Variants in IQANK1 observed in about 807,000 individuals in gnomAD.
The protein encoded by IQANK1 is IQ motif and ankyrin repeat containing 1.
IQANK1 carries 30 observed loss-of-function variants against 22.6 expected under a neutral mutation model. That is an observed-to-expected ratio of 1.33 (90% CI 0.99 to 1.80). The LOEUF is 1.80. IQANK1 is among the 40% of genes most tolerant of loss of function. The pLI, the probability that IQANK1 is intolerant of heterozygous loss-of-function variation, is 0.00. For synonymous variants in IQANK1, 122 were observed against 99.6 expected, an observed-to-expected ratio of 1.23 and a Z score of -1.34; for missense variants, 275 against 235.2, an observed-to-expected ratio of 1.17 and a Z score of -1.11.
At chr8:143,749,949 A>G (rs1053532550) in intron 3 of IQANK1, among the ~76,000 whole-genome samples, 5 of 151,422 alleles carry the variant, frequency 3.3e-5, no homozygotes, top group African/African-American at 1.2e-4. Context: ...TTTTTTTGAT[A>G]TATAATGTCC....
intron 3 of IQANK1, among the ~76,000 whole-genome samples, chr8:143,765,338 C>G (rs921507773): frequency 6.6e-6 from 1 of 151,264 alleles, no homozygotes; most frequent in East Asian, 1.9e-4. Flanking sequence ...GCCTGGGAGA[C>G]AGAGTAAGAC....
intron 7 of IQANK1, among the ~76,000 whole-genome samples, chr8:143,785,407 G>A (rs1412261237): frequency 1.3e-5 from 2 of 150,686 alleles, no homozygotes; most frequent in African/African-American, 2.4e-5. Context: ...CCAGTGTGCA[G>A]CACCACATCA....
intron 3 of IQANK1, among the ~76,000 whole-genome samples, chr8:143,761,359 C>A (rs2129875395): frequency 6.6e-6 from 1 of 152,368 alleles, no homozygotes; most frequent in South Asian, 2.1e-4. Flanking sequence ...GCGATGCCTC[C>A]GACTCAGACC....
At chr8:143,742,454 G>T (rs1285037159) in intron 3 of IQANK1, 1 of 455,944 alleles carries the variant, frequency 2.2e-6, no homozygotes. Flanking sequence ...TGCAAAAGGG[G>T]CGAATGCGAT....
intron 7 of IQANK1, among the ~76,000 whole-genome samples, chr8:143,776,665 AG>A (rs1587490356): frequency 6.6e-6 from 1 of 152,216 alleles, no homozygotes; most frequent in South Asian, 2.1e-4. Context: ...CACAAGTGCC[AG>A]AGGGGAGACA....
At chr8:143,770,889 G>C (rs1449980245) in intron 3 of IQANK1, among the ~76,000 whole-genome samples, 1 of 152,252 alleles carries the variant, frequency 6.6e-6, no homozygotes, top group Non-Finnish European at 1.5e-5. Context: ...AGGCCAGTCA[G>C]GGCAGCGCTG....
At chr8:143,772,271 C>T (rs1218831255) in intron 6 of IQANK1, 28 bp downstream of exon 6, 1 of 397,790 alleles carries the variant, frequency 2.5e-6, no homozygotes, top group Non-Finnish European at 4.4e-6. Flanking sequence ...CGGGCCGCCG[C>T]GCTGAGGGGC....
At chr8:143,784,054 C>G (rs1356961159) in intron 7 of IQANK1, among the ~76,000 whole-genome samples, 20 of 152,208 alleles carry the variant, frequency 1.3e-4, no homozygotes, top group African/African-American at 4.8e-4. Flanking sequence ...GGAAAGTTCT[C>G]AGTCATTACC....
At chr8:143,740,859 A>C (rs1818891269) in intron 3 of IQANK1, among the ~76,000 whole-genome samples, 1 of 152,224 alleles carries the variant, frequency 6.6e-6, no homozygotes, top group East Asian at 1.9e-4. Flanking sequence ...GTTTGATAAG[A>C]GCCTCAGGGG....
At chr8:143,789,168 C>T in intron 8 of IQANK1, 21 bp from the exon 9 acceptor site, 1 of 400,274 alleles carries the variant, frequency 2.5e-6, no homozygotes, top group Non-Finnish European at 4.4e-6. Context: ...GCCTCTGTCC[C>T]AGCTCATTCC....
At chr8:143,772,535 GGCCTCGGGAGGTGTGA>G (rs1382980581) in intron 7 of IQANK1, 53 bp downstream of exon 7, 16 of 398,116 alleles carry the variant, frequency 4.0e-5, no homozygotes, top group Admixed American at 8.8e-5. Flanking sequence ...GGGAGGTGTG[GGCCTCGGGAGGTGTGA>G]GCCCCGGGAG....
intron 3 of IQANK1, among the ~76,000 whole-genome samples, chr8:143,769,371 T>C (rs1005151500): frequency 2.6e-5 from 4 of 150,972 alleles, no homozygotes; most frequent in Non-Finnish European, 5.9e-5. Context: ...TATATATATT[T>C]TTTTAAAGAG....
chr8:143,754,380 G>A (rs144194571), intron 3 of IQANK1, among the ~76,000 whole-genome samples: 99 of 152,316 alleles, frequency 6.5e-4, no homozygotes, highest in African/African-American at 2.1e-3. Flanking sequence ...CAGGGCTAAC[G>A]CCAAGGTGTT....
At chr8:143,740,358 C>G (rs1282500455) in intron 3 of IQANK1, among the ~76,000 whole-genome samples, 1 of 152,196 alleles carries the variant, frequency 6.6e-6, no homozygotes, top group Admixed American at 6.5e-5. Flanking sequence ...GGGCCCGGAT[C>G]GCCTTCTCAG....
intron 7 of IQANK1, among the ~76,000 whole-genome samples, chr8:143,777,607 C>T (rs1554630569): frequency 2.0e-5 from 3 of 150,402 alleles, no homozygotes; most frequent in Non-Finnish European, 3.0e-5. Context: ...AGTGTATTGT[C>T]TTAAGGTTCT....
chr8:143,738,042 C>G (rs1305147581), intron 2 of IQANK1, among the ~76,000 whole-genome samples: 1 of 152,150 alleles, frequency 6.6e-6, no homozygotes. Context: ...GGCCTGGCCA[C>G]CCTGGGGTGT....
intron 3 of IQANK1, among the ~76,000 whole-genome samples, chr8:143,763,562 C>T (rs781990154): frequency 1.4e-4 from 21 of 152,174 alleles, no homozygotes; most frequent in African/African-American, 2.7e-4. Context: ...AGTTCCACTC[C>T]GTGAGCTCAC....
chr8:143,761,054 C>G (rs1449241797), intron 3 of IQANK1, among the ~76,000 whole-genome samples: 1 of 152,190 alleles, frequency 6.6e-6, no homozygotes, highest in African/African-American at 2.4e-5. Flanking sequence ...GAAGACCCAT[C>G]CTGAACCAGG....
chr8:143,747,910 G>GTCCTTTCCTTT (rs1819061047), intron 3 of IQANK1, among the ~76,000 whole-genome samples: 1 of 106,248 alleles, frequency 9.4e-6, no homozygotes, highest in Non-Finnish European at 1.9e-5. Context: ...ATTGTGTTAA[G>GTCCTTTCCTTT]TCCTTTCCTT....
Sources: allele counts gnomAD v4.1 joint callset (sites outside exome capture counted in the v4.1 genomes callset), GRCh38; gene constraint gnomAD v4.1.1; transcripts MANE v1.5; gene names NCBI Gene and HGNC (gene_info 2026-07-23, HGNC 2026-07-21).